ERBB4: variants seen among roughly 807,000 people sequenced by gnomAD.
ERBB4 encodes erb-b2 receptor tyrosine kinase 4.
Under a neutral mutation model 158.0 loss-of-function variants are expected in ERBB4, and 42 were observed. The observed-to-expected ratio is 0.27, with a 90% CI of 0.21 to 0.34. The LOEUF is 0.34. ERBB4 is among the 10% of genes least tolerant of loss of function. ERBB4 has a pLI of 1.00. For synonymous variants in ERBB4, 583 were observed against 558.7 expected, an observed-to-expected ratio of 1.04 and a Z score of -0.61; for missense variants, 1,333 against 1,624.1, an observed-to-expected ratio of 0.82 and a Z score of 3.08.
intron 4 of ERBB4, among the ~76,000 whole-genome samples, chr2:211,756,185 C>G (rs1041807566): frequency 6.6e-6 from 1 of 151,876 alleles, no homozygotes; most frequent in Non-Finnish European, 1.5e-5. Flanking sequence ...AGGAAATAGG[C>G]AGAGGAATAG....
intron 20 of ERBB4, among the ~76,000 whole-genome samples, chr2:211,433,613 G>A (rs540278144): frequency 6.6e-6 from 1 of 152,046 alleles, no homozygotes; most frequent in Non-Finnish European, 1.5e-5. Context: ...AGGGGAGTGA[G>A]AGATTATTGT....
At position 211,594,464 on chromosome 2, in the gene ERBB4, A is replaced by AC. The variant is rs554702535; in HGVS notation, c.2301+24712_2301+24713insG. The stretch of plus-strand genomic sequence containing the variant: ...TACAAAAATAACAAATAAAAAAAAA[A>AC]AACTAAGCAATAATTTGCTTTTATC... On this transcript the variant is annotated intron_variant, in intron 19 of 27. Transcript: ENST00000342788. 9.2e-3 allele frequency among the ~76,000 whole-genome samples: 1,397 copies of AC among 152,194 alleles called. 21 individuals are homozygous for AC. The highest frequency in any genetic ancestry group is 0.032 in the African/African-American group (1,323 of 41,496).
At chr2:211,454,723 T>C (rs540744005) in intron 20 of ERBB4, among the ~76,000 whole-genome samples, 1 of 152,330 alleles carries the variant, frequency 6.6e-6, no homozygotes, top group South Asian at 2.1e-4. Context: ...ATTGGGATGA[T>C]TGTAATTGAT....
intron 19 of ERBB4, among the ~76,000 whole-genome samples, chr2:211,617,022 G>GAAT (rs1314560508): frequency 1.6e-4 from 25 of 152,048 alleles, no homozygotes; most frequent in African/African-American, 6.0e-4. Context: ...GTTTCCATGG[G>GAAT]AATATACATC....
At chr2:211,580,881 A>G (rs1461536753) in intron 19 of ERBB4, among the ~76,000 whole-genome samples, 163 of 2,792 alleles carry the variant, frequency 0.058, 16 homozygotes, top group Admixed American at 0.098. Flanking sequence ...ATATATATAT[A>G]TATATATATA....
At chr2:211,820,315 T>C (rs55913582) in intron 3 of ERBB4, among the ~76,000 whole-genome samples, 36,055 of 151,626 alleles carry the variant, frequency 0.24, 4,470 homozygotes, top group South Asian at 0.33. Flanking sequence ...TATATGCCAA[T>C]AAATTTGAAA....
chr2:212,357,764 AG>A (rs1442325099), intron 1 of ERBB4, among the ~76,000 whole-genome samples: 3 of 151,892 alleles, frequency 2.0e-5, no homozygotes, highest in Non-Finnish European at 4.4e-5. Context: ...GAAATTGTTC[AG>A]CCCCACGGTC....
At chr2:211,725,229 C>T (rs2074228553) in intron 5 of ERBB4, 35 bp from the exon 6 acceptor site, 1 of 1,514,522 alleles carries the variant, frequency 6.6e-7, no homozygotes, top group Non-Finnish European at 9.2e-7. Flanking sequence ...TGATCAAAGT[C>T]TGCCACCAGG....
intron 1 of ERBB4, among the ~76,000 whole-genome samples, chr2:212,349,321 A>ACACACC (rs985054412): frequency 7.0e-4 from 101 of 144,978 alleles, no homozygotes; most frequent in Non-Finnish European, 1.3e-3. Context: ...ACACACACAC[A>ACACACC]CCCTTCAAGT....
intron 1 of ERBB4, among the ~76,000 whole-genome samples, chr2:212,528,565 C>T (rs1692575496): frequency 6.6e-6 from 1 of 152,154 alleles, no homozygotes; most frequent in South Asian, 2.1e-4. Flanking sequence ...CCAATTTTCT[C>T]ATTAATAGAT....
At chr2:212,113,379 T>C (rs968804465) in intron 2 of ERBB4, among the ~76,000 whole-genome samples, 1 of 151,516 alleles carries the variant, frequency 6.6e-6, no homozygotes, top group Non-Finnish European at 1.5e-5. Flanking sequence ...ATCGAGACCA[T>C]CCTGGCTAAC....
intron 3 of ERBB4, among the ~76,000 whole-genome samples, chr2:211,894,561 T>TAA (rs201066895): frequency 2.0e-5 from 3 of 149,788 alleles, no homozygotes; most frequent in Non-Finnish European, 4.5e-5. Context: ...TAAAGTATAA[T>TAA]AAAAAAAAAA....
intron 1 of ERBB4, among the ~76,000 whole-genome samples, chr2:212,429,570 C>T (rs778887417): frequency 7.2e-5 from 11 of 152,170 alleles, no homozygotes; most frequent in South Asian, 2.1e-4. Flanking sequence ...CTTATGCCCA[C>T]GGATTATGCT....
chr2:212,493,534 A>G (rs889081994), intron 1 of ERBB4, among the ~76,000 whole-genome samples: 4 of 151,664 alleles, frequency 2.6e-5, no homozygotes, highest in African/African-American at 9.7e-5. Flanking sequence ...TTGGCTCAGT[A>G]TCAGTCATAT....
intron 16 of ERBB4, among the ~76,000 whole-genome samples, chr2:211,649,465 T>G (rs2070900423): frequency 6.6e-6 from 1 of 151,884 alleles, no homozygotes; most frequent in Non-Finnish European, 1.5e-5. Flanking sequence ...CTTTGGTCCT[T>G]TCTTTCCTGG....
At chr2:211,689,904 G>A (rs1452157416) in intron 12 of ERBB4, among the ~76,000 whole-genome samples, 1 of 151,350 alleles carries the variant, frequency 6.6e-6, no homozygotes, top group Non-Finnish European at 1.5e-5. Context: ...TATACTGTAC[G>A]GTGTCACGAG....
intron 16 of ERBB4, among the ~76,000 whole-genome samples, chr2:211,651,999 A>C (rs2071006311): frequency 6.6e-6 from 1 of 151,914 alleles, no homozygotes; most frequent in Admixed American, 6.6e-5. Flanking sequence ...ACTGTAAGTC[A>C]CTCAGTGAGT....
intron 1 of ERBB4, among the ~76,000 whole-genome samples, chr2:212,312,321 AT>A (rs1268868684): frequency 2.0e-5 from 3 of 150,958 alleles, no homozygotes; most frequent in East Asian, 2.0e-4. Flanking sequence ...ATATACTTGA[AT>A]TTTTTTTAAT....
intron 2 of ERBB4, among the ~76,000 whole-genome samples, chr2:212,020,514 A>C (rs568615601): frequency 6.6e-6 from 1 of 152,150 alleles, no homozygotes; most frequent in Admixed American, 6.6e-5. Context: ...AGGTTAACTT[A>C]TATATCTATT....
Sources: allele counts gnomAD v4.1 joint callset (sites outside exome capture counted in the v4.1 genomes callset), GRCh38; gene constraint gnomAD v4.1.1; transcripts MANE v1.5; gene names NCBI Gene and HGNC (gene_info 2026-07-23, HGNC 2026-07-21).